The following B3GALNT2 variants were observed in gnomAD, a reference collection of about 807,000 sequenced individuals.
The protein encoded by B3GALNT2 is beta-1,3-N-acetylgalactosaminyltransferase 2.
Under a neutral mutation model 61.1 loss-of-function variants are expected in B3GALNT2, and 53 were observed. The observed-to-expected ratio is 0.87, with a 90% CI of 0.70 to 1.09. The LOEUF is 1.09. Ranked by LOEUF, B3GALNT2 falls within the 50% of genes least tolerant of loss-of-function variation. B3GALNT2 has a pLI of 0.00. For synonymous variants in B3GALNT2, 223 were observed against 237.4 expected, an observed-to-expected ratio of 0.94 and a Z score of 0.56; for missense variants, 544 against 623.0, an observed-to-expected ratio of 0.87 and a Z score of 1.35.
In B3GALNT2 at chr1:235,502,496, A is replaced by G. The variant is rs536804607; in HGVS notation, c.112+1645T>C. 2.0e-5 allele frequency among the ~76,000 whole-genome samples: 3 copies of G among 152,246 alleles called. No homozygotes were observed. In the South Asian group the frequency reaches 6.2e-4, roughly 31 times the overall value. ...TCATTCAAAGCCAAAGTTAATTAACATAACTAGTATTGATCTTCTTACCTA... is the reference window on the plus strand; with the variant it reads ...TCATTCAAAGCCAAAGTTAATTAACGTAACTAGTATTGATCTTCTTACCTA... On this transcript the variant is annotated intron_variant, in intron 1 of 11. Transcript: ENST00000366600.
At position 235,452,848 on chromosome 1, in the gene B3GALNT2, C is replaced by T. The variant is rs374537773; in HGVS notation, c.1368+242G>A. ...GGATTACAGGCATGTGCCACTATGCCCAGCCCAAAACTTTTTGAGAGCCAA... is the reference window on the plus strand; with the variant it reads ...GGATTACAGGCATGTGCCACTATGCTCAGCCCAAAACTTTTTGAGAGCCAA... On this transcript the variant is annotated intron_variant, in intron 11 of 11. Transcript: ENST00000366600. Among the ~76,000 whole-genome samples, 445 of 152,254 alleles carry T rather than the reference C, an allele frequency of 2.9e-3. 2 individuals are homozygous for T. The highest frequency in any genetic ancestry group is 0.01 in the African/African-American group (435 of 41,532).
intron 3 of B3GALNT2, among the ~76,000 whole-genome samples, chr1:235,485,088 T>A (rs2102845613): frequency 6.6e-6 from 1 of 152,318 alleles, no homozygotes; most frequent in East Asian, 1.9e-4. Flanking sequence ...TTGAACCATC[T>A]TCTATGTACC....
intron 6 of B3GALNT2, among the ~76,000 whole-genome samples, chr1:235,467,482 AC>A (rs1468662245): frequency 3.9e-5 from 5 of 128,796 alleles, no homozygotes; most frequent in Non-Finnish European, 6.3e-5. Context: ...TTACTTATTT[AC>A]TTTTTTTTTT....
At chr1:235,470,501 C>T (rs1683937007) in intron 6 of B3GALNT2, among the ~76,000 whole-genome samples, 1 of 150,326 alleles carries the variant, frequency 6.7e-6, no homozygotes, top group Non-Finnish European at 1.5e-5. Context: ...ATTGTTTAAG[C>T]CAGGAGGTGG....
rs112472652 is a variant in B3GALNT2, at chr1:235,448,034, C to T, written c.*2172G>A. ...GACCAGCCTGGCCAACATGGTGAAA[C>T]CCCGTCTCTACTAAAAATACAAAAG... On this transcript the variant is annotated 3_prime_UTR_variant, in exon 12 of 12. Transcript: ENST00000366600. 2.8e-3 allele frequency among the ~76,000 whole-genome samples: 429 copies of T among 152,116 alleles called. 3 individuals carry two copies. Among genetic ancestry groups the T allele is most frequent in the Non-Finnish European group, 5.0e-3 (337 of 67,986 alleles).
chr1:235,485,601 A>G (rs979030407), intron 3 of B3GALNT2, among the ~76,000 whole-genome samples: 5 of 152,218 alleles, frequency 3.3e-5, no homozygotes, highest in African/African-American at 1.2e-4. Context: ...CAGCCTTCAA[A>G]TAAATTTTCT....
intron 5 of B3GALNT2, among the ~76,000 whole-genome samples, chr1:235,473,160 G>A (rs1414463684): frequency 1.3e-5 from 2 of 152,260 alleles, no homozygotes; most frequent in East Asian, 3.9e-4. Flanking sequence ...TGATCTGCCT[G>A]CCTCAGCCTC....
intron 2 of B3GALNT2, among the ~76,000 whole-genome samples, chr1:235,492,427 G>C (rs959211434): frequency 1.1e-4 from 17 of 152,184 alleles, no homozygotes; most frequent in African/African-American, 3.1e-4. Context: ...AATCAAGCAC[G>C]CTAAATTTAA....
chr1:235,448,127 GA>G lies in B3GALNT2; in HGVS notation c.*2078del, dbSNP rs1489003108. Among the ~76,000 whole-genome samples, 1 of 150,680 alleles carries G rather than the reference GA, an allele frequency of 6.6e-6. No individual in the cohort carries two copies. The highest frequency in any genetic ancestry group is 2.5e-5 in the African/African-American group (1 of 40,794). On this transcript the variant is annotated 3_prime_UTR_variant, in exon 12 of 12. Coordinates refer to ENST00000366600, the MANE Select transcript of B3GALNT2 (RefSeq NM_152490.5). ...AGGCAGGAGAATTGTTTGAACCCGG[GA>G]AGCGGAGGTTGCAGTGAGCCGAGAT...
chr1:235,483,698 T>C (rs1426661551), intron 4 of B3GALNT2, among the ~76,000 whole-genome samples: 1 of 152,166 alleles, frequency 6.6e-6, no homozygotes, highest in African/African-American at 2.4e-5. Context: ...AAAACGTTAA[T>C]TGTTGTAGAA....
At chr1:235,489,900 T>C (rs950491024) in intron 2 of B3GALNT2, among the ~76,000 whole-genome samples, 1 of 152,230 alleles carries the variant, frequency 6.6e-6, no homozygotes, top group African/African-American at 2.4e-5. Flanking sequence ...TTAGCTTTAA[T>C]ATCACCACCT....
At position 235,458,554 on chromosome 1, in the gene B3GALNT2, A is replaced by C. The variant is rs1454028983; in HGVS notation, c.1025+49T>G. 5.2e-6 allele frequency: 8 copies of C among 1,533,798 alleles called. No individual in the cohort carries two copies. The African/African-American group carries it at 9.8e-5, about 19-fold the overall frequency. ...GTAAGACCCCATCTCAAAAAAAAAA[A>C]AACTAACAATAAAACAAGTTCTAGC... is the stretch of plus-strand genomic sequence containing the variant. On this transcript the variant is annotated intron_variant, in intron 8 of 11. Transcript: ENST00000366600.
At position 235,468,977 on chromosome 1, in the gene B3GALNT2, TTA is replaced by T. The variant is rs1683858960; in HGVS notation, c.762+1871_762+1872del. Among the ~76,000 whole-genome samples the T allele has an allele frequency of 4.6e-5, 7 of 152,300 alleles. No individual in the cohort carries two copies. The South Asian group carries it at 1.5e-3, about 32-fold the overall frequency. ...CCATCTTTATTGTCCTCCATTTACT[TTA>T]TGAAATTTACCTGTCATAATAAATC... On this transcript the variant is annotated intron_variant, in intron 6 of 11. Coordinates refer to ENST00000366600, the MANE Select transcript of B3GALNT2 (RefSeq NM_152490.5).
chr1:235,440,526 G>T, the B3GALNT2 span, among the ~76,000 whole-genome samples: 1 of 152,104 alleles, frequency 6.6e-6, no homozygotes, highest in African/African-American at 2.4e-5. Context: ...CTGAGAAGCT[G>T]GGATTACAGG....
chr1:235,501,253 C>G (rs533626202), intron 1 of B3GALNT2, among the ~76,000 whole-genome samples: 144 of 152,310 alleles, frequency 9.5e-4, no homozygotes, highest in African/African-American at 3.0e-3. Flanking sequence ...TCCTCTGTCA[C>G]CCTCAGGTGT....
chr1:235,441,866 G>A, the B3GALNT2 span: 1 of 1,614,002 alleles, frequency 6.2e-7, no homozygotes, highest in Non-Finnish European at 8.5e-7. Context: ...CACTTATGCT[G>A]AAAAACCAGC....
rs1685714522 is a variant in B3GALNT2 at position 235,504,069 on chromosome 1, AAGCCCCG to A, written c.112+65_112+71del. 2.5e-6 allele frequency: 3 copies of A among 1,196,720 alleles called. No homozygotes were observed. In the South Asian group the frequency reaches 1.3e-4, roughly 51 times the overall value. 74.1% of individuals were successfully genotyped at this position (1,196,720 alleles called of 1,614,324 possible). A position where few individuals can be genotyped will look rare whatever the true frequency, so the allele number is the denominator to read the frequency against. On this transcript the variant is annotated intron_variant, in intron 1 of 11. Coordinates refer to ENST00000366600, the MANE Select transcript of B3GALNT2 (RefSeq NM_152490.5). ...CCCCCGCCTCCAACAATTCCCGGCG[AAGCCCCG>A]CGGCACCAAGCCGGGCCTCCCACCC...
chr1:235,476,653 CA>C (rs1249853005), intron 5 of B3GALNT2, among the ~76,000 whole-genome samples: 1 of 152,020 alleles, frequency 6.6e-6, no homozygotes, highest in African/African-American at 2.4e-5. Context: ...AGTTCGAGAC[CA>C]GCCTGGCCAA....
chr1:235,456,866 G>C (rs1015151593), intron 8 of B3GALNT2, among the ~76,000 whole-genome samples: 1 of 152,070 alleles, frequency 6.6e-6, no homozygotes, highest in African/African-American at 2.4e-5. Flanking sequence ...ACCTACAATT[G>C]CAACTCTCAT....
Sources: allele counts gnomAD v4.1 joint callset (sites outside exome capture counted in the v4.1 genomes callset), GRCh38; gene constraint gnomAD v4.1.1; transcripts MANE v1.5; gene names NCBI Gene and HGNC (gene_info 2026-07-23, HGNC 2026-07-21).